The following RALGPS1 variants were observed in gnomAD, a reference collection of about 807,000 sequenced individuals.
RALGPS1 encodes the protein ras-specific guanine nucleotide-releasing factor RalGPS1.
A neutral mutation model predicts 78.8 loss-of-function variants in RALGPS1; 19 were observed. That is an observed-to-expected ratio of 0.24 (90% CI 0.17 to 0.35). The LOEUF is 0.35. Among genes scored for constraint, RALGPS1 ranks in the 10% least tolerant of loss-of-function variants. The pLI is 1.00. For synonymous variants in RALGPS1, 228 were observed against 256.3 expected, an observed-to-expected ratio of 0.89 and a Z score of 1.06; for missense variants, 454 against 688.3, an observed-to-expected ratio of 0.66 and a Z score of 3.81.
intron 9 of RALGPS1, among the ~76,000 whole-genome samples, chr9:127,166,455 A>G (rs970769117): frequency 2.6e-5 from 4 of 152,170 alleles, no homozygotes; most frequent in Non-Finnish European, 5.9e-5. Context: ...CTTGTCCACA[A>G]TCACGCGTCT....
At chr9:127,027,210 T>C (rs2046031154) in intron 4 of RALGPS1, among the ~76,000 whole-genome samples, 1 of 152,224 alleles carries the variant, frequency 6.6e-6, no homozygotes, top group Admixed American at 6.5e-5. Context: ...CTCCACTCCA[T>C]TCTCTTCCTA....
chr9:127,009,413 G>A (rs2044150578), intron 4 of RALGPS1, among the ~76,000 whole-genome samples: 2 of 152,140 alleles, frequency 1.3e-5, no homozygotes, highest in South Asian at 4.1e-4. Context: ...ATCCATCAAG[G>A]GGACCAGCAG....
chr9:127,172,257 A>G (rs2059604651), intron 10 of RALGPS1, among the ~76,000 whole-genome samples: 1 of 152,152 alleles, frequency 6.6e-6, no homozygotes, highest in African/African-American at 2.4e-5. Context: ...TCTCTCCCTC[A>G]GCACTGCAGG....
chr9:126,951,402 C>A (rs368777089), intron 1 of RALGPS1, among the ~76,000 whole-genome samples: 5 of 150,938 alleles, frequency 3.3e-5, no homozygotes, highest in Admixed American at 6.6e-5. Flanking sequence ...TGATGAACAT[C>A]GATGCAAAAA....
Position 127,178,154 on chromosome 9 carries a change from G to C in RALGPS1, c.910+3372G>C, listed in dbSNP as rs569835669. On this transcript the variant is annotated intron_variant, in intron 11 of 18. Coordinates refer to ENST00000259351, the MANE Select transcript of RALGPS1 (RefSeq NM_014636.3). ...ATTGGCTGTGCAGGGTCTGTGGGCA[G>C]GGAGGGGGAAGCAGGAGCGAGCAGA... The C allele has an allele frequency of 3.8e-5, 25 of 660,992 alleles. No individual in the cohort carries two copies. The African/African-American group carries it at 3.9e-4, about 10-fold the overall frequency. 40.9% of individuals were successfully genotyped at this position (660,992 alleles called of 1,614,324 possible).
At chr9:127,190,498 A>AT (rs971645110) in intron 11 of RALGPS1, among the ~76,000 whole-genome samples, 55 of 150,804 alleles carry the variant, frequency 3.6e-4, no homozygotes, top group Non-Finnish European at 6.8e-4. Context: ...TAGGTTTTGT[A>AT]TTTTTTTTTA....
rs1341227596 is a variant in RALGPS1, at chr9:127,221,791, C to G, written c.*3022C>G. On this transcript the variant is annotated 3_prime_UTR_variant, in exon 19 of 19. Coordinates refer to ENST00000259351, the MANE Select transcript of RALGPS1 (RefSeq NM_014636.3). ...TCATTTTACCCCCACCTCCCAAGCC[C>G]CAAGAGGTGTACCTTTTCAGATGCC... 1 of 152,112 alleles carries G rather than the reference C, an allele frequency of 6.6e-6. No individual in the cohort carries two copies. Among genetic ancestry groups the G allele is most frequent in the Non-Finnish European group, 1.5e-5 (1 of 68,026 alleles). The allele number at this position is 152,112 out of a possible 1,614,324, so 9.4% of individuals were successfully genotyped here.
intron 4 of RALGPS1, among the ~76,000 whole-genome samples, chr9:127,020,364 TAGTC>T (rs1160159998): frequency 6.6e-6 from 1 of 152,210 alleles, no homozygotes; most frequent in Non-Finnish European, 1.5e-5. Context: ...TTCCCAGCAA[TAGTC>T]AGGATGACCC....
At chr9:126,935,036 A>G (rs917926679) in intron 1 of RALGPS1, among the ~76,000 whole-genome samples, 4 of 152,134 alleles carry the variant, frequency 2.6e-5, no homozygotes, top group Admixed American at 2.6e-4. Flanking sequence ...ACCAGTGCAG[A>G]CCATTCTTGC....
In RALGPS1 at chr9:127,065,580, C is replaced by G. The variant is rs1042401183; in HGVS notation, c.484-3650C>G. On this transcript the variant is annotated intron_variant, in intron 7 of 18. Coordinates refer to ENST00000259351, the MANE Select transcript of RALGPS1 (RefSeq NM_014636.3). ...TTTTCTTATCCTATCTACCAGATAT[C>G]TAAGTAATCCTAAAATTATTTTATG... 7.2e-5 allele frequency among the ~76,000 whole-genome samples: 11 copies of G among 152,126 alleles called. No homozygotes were observed. The South Asian group carries it at 1.5e-3, about 20-fold the overall frequency.
Position 126,915,842 on chromosome 9 carries a change from A to G in RALGPS1, c.-66+867A>G, listed in dbSNP as rs190237388. Reference sequence around the variant, plus strand: ...TGAAAAATGTGTGTGCTTGAAGAGTAGTATGAGGCTTGGGAGGGGTCCTGG... The same window carrying G: ...TGAAAAATGTGTGTGCTTGAAGAGTGGTATGAGGCTTGGGAGGGGTCCTGG... On this transcript the variant is annotated intron_variant, in intron 1 of 18. Coordinates refer to ENST00000259351, the MANE Select transcript of RALGPS1 (RefSeq NM_014636.3). Among the ~76,000 whole-genome samples the G allele has an allele frequency of 1.0e-3, 90 of 88,644 alleles. No individual in the cohort carries two copies. The Middle Eastern group carries it at 0.014, about 14-fold the overall frequency. The allele number at this position is 88,644 out of a possible 152,430, so 58.2% of individuals were successfully genotyped here.
chr9:127,071,930 A>G (rs1589311677), intron 8 of RALGPS1, among the ~76,000 whole-genome samples: 1 of 152,226 alleles, frequency 6.6e-6, no homozygotes, highest in South Asian at 2.1e-4. Context: ...TTATCACTCC[A>G]TAAAGAAACC....
intron 1 of RALGPS1, among the ~76,000 whole-genome samples, chr9:126,915,660 G>C (rs957137211): frequency 1.3e-5 from 2 of 152,104 alleles, no homozygotes; most frequent in Non-Finnish European, 2.9e-5. Flanking sequence ...TTGGAGCTCA[G>C]CTGCCCTGGT....
At chr9:127,089,365 C>G (rs929161324) in intron 8 of RALGPS1, among the ~76,000 whole-genome samples, 1 of 152,208 alleles carries the variant, frequency 6.6e-6, no homozygotes, top group Admixed American at 6.5e-5. Context: ...GACTTGACCT[C>G]TCCCAGCCAC....
chr9:127,126,297 G>C (rs1474083156), intron 8 of RALGPS1, among the ~76,000 whole-genome samples: 1 of 152,084 alleles, frequency 6.6e-6, no homozygotes, highest in South Asian at 2.1e-4. Context: ...CTTCTTTTAA[G>C]ATTTTCTCTT....
At chr9:127,139,228 A>G (rs759521612) in intron 8 of RALGPS1, among the ~76,000 whole-genome samples, 1 of 152,116 alleles carries the variant, frequency 6.6e-6, no homozygotes, top group Non-Finnish European at 1.5e-5. Flanking sequence ...ATGAGTTGAC[A>G]AGTCACCCAT....
chr9:127,217,045 GCCCTGAGTAAAA>G (rs754115573), intron 18 of RALGPS1: 2 of 1,470,052 alleles, frequency 1.4e-6, no homozygotes, highest in South Asian at 2.8e-5. Context: ...AACAGTGGTA[GCCCTGAGTAAAA>G]CCCATTGTCC....
rs35010607 is a variant in RALGPS1 at position 127,060,509 on chromosome 9, C to CTGTTGTTGT, written c.483+7596_483+7604dup. Among the ~76,000 whole-genome samples the CTGTTGTTGT allele has an allele frequency of 8.0e-5, 12 of 150,874 alleles. No homozygotes were observed. In the South Asian group the frequency reaches 8.4e-4, roughly 11 times the overall value. On this transcript the variant is annotated intron_variant, in intron 7 of 18. Coordinates refer to ENST00000259351, the MANE Select transcript of RALGPS1 (RefSeq NM_014636.3). ...ATATTGAGGGGTTGGTAAGTATTAC[C>CTGTTGTTGT]TGTTGTTGTTGTTGTTGTTGTTGTT...
At chr9:127,145,859 T>C (rs756041233) in intron 8 of RALGPS1, among the ~76,000 whole-genome samples, 1 of 152,236 alleles carries the variant, frequency 6.6e-6, no homozygotes, top group African/African-American at 2.4e-5. Flanking sequence ...AAAATATAAA[T>C]AATGGCATTT....
Sources: gnomAD v4.1 joint callset for allele counts (sites outside exome capture counted in the v4.1 genomes callset) on GRCh38, gnomAD v4.1.1 for gene constraint, MANE v1.5 for transcripts, NCBI Gene and HGNC (gene_info 2026-07-23, HGNC 2026-07-21) for gene names.